Variants in SREBF2 observed in about 807,000 individuals in gnomAD.
SREBF2 encodes the protein sterol regulatory element-binding protein 2.
In SREBF2, 55 loss-of-function variants were observed where a neutral mutation model predicts 113.1. That is an observed-to-expected ratio of 0.49 (90% CI 0.39 to 0.61). The LOEUF (loss-of-function observed/expected upper bound fraction) is 0.61. SREBF2 is among the 20% of genes least tolerant of loss of function. The pLI is 0.00. For synonymous variants in SREBF2, 593 were observed against 605.7 expected, an observed-to-expected ratio of 0.98 and a Z score of 0.31; for missense variants, 1,349 against 1,487.4, an observed-to-expected ratio of 0.91 and a Z score of 1.53.
intron 12 of SREBF2, among the ~76,000 whole-genome samples, chr22:41,894,490 G>T (rs548202755): frequency 2.6e-5 from 4 of 152,134 alleles, no homozygotes; most frequent in Non-Finnish European, 5.9e-5. Context: ...GAAATCCTCT[G>T]AGACATTCCA....
chr22:41,875,798 G>C (rs2077192541), intron 7 of SREBF2, 74 bp downstream of exon 7: 4 of 1,544,918 alleles, frequency 2.6e-6, no homozygotes, highest in Admixed American at 3.3e-5. Flanking sequence ...GGAGGTCACA[G>C]TTATGAGGCC....
chr22:41,846,031 T>A (rs59946017), intron 1 of SREBF2, among the ~76,000 whole-genome samples: 1,742 of 152,314 alleles, frequency 0.011, 38 homozygotes, highest in African/African-American at 0.04. Flanking sequence ...AACAGCCATT[T>A]TGAAGGGCTT....
intron 15 of SREBF2, chr22:41,900,052 A>G (rs1289667751): frequency 1.5e-6 from 2 of 1,364,406 alleles, no homozygotes; most frequent in African/African-American, 1.5e-5. Flanking sequence ...TGGAATGACT[A>G]TCTTGGGTGG....
intron 1 of SREBF2, among the ~76,000 whole-genome samples, chr22:41,839,857 A>G (rs1221124827): frequency 6.6e-6 from 1 of 151,158 alleles, no homozygotes; most frequent in Non-Finnish European, 1.5e-5. Flanking sequence ...GTGTGGACAT[A>G]TATGTTCATT....
chr22:41,860,284 G>A (rs1235693944), intron 1 of SREBF2, among the ~76,000 whole-genome samples: 21 of 150,428 alleles, frequency 1.4e-4, no homozygotes, highest in Admixed American at 1.3e-3. Flanking sequence ...AAAAATGGAC[G>A]AAGGTCAAGA....
intron 8 of SREBF2, 134 bp from the exon 9 acceptor site, chr22:41,877,808 T>TA (rs1428566686): frequency 2.1e-6 from 2 of 959,982 alleles, no homozygotes. Flanking sequence ...CCTGTTTAGA[T>TA]TATAGAATTA....
intron 10 of SREBF2, among the ~76,000 whole-genome samples, chr22:41,884,181 G>A (rs2077277377): frequency 6.6e-6 from 1 of 152,200 alleles, no homozygotes; most frequent in Non-Finnish European, 1.5e-5. Context: ...TGTTGCCCAG[G>A]CTGGAGTGCA....
At chr22:41,876,603 G>C (rs2077199830) in intron 7 of SREBF2, among the ~76,000 whole-genome samples, 1 of 152,042 alleles carries the variant, frequency 6.6e-6, no homozygotes, top group South Asian at 2.1e-4. Flanking sequence ...GAGTGGGGTG[G>C]GTGTAGACAA....
chr22:41,857,645 G>C (rs939677591), intron 1 of SREBF2, among the ~76,000 whole-genome samples: 12 of 152,162 alleles, frequency 7.9e-5, no homozygotes, highest in African/African-American at 2.9e-4. Context: ...TCACTCATCT[G>C]TTGCTTAAAA....
intron 1 of SREBF2, among the ~76,000 whole-genome samples, chr22:41,856,496 G>A (rs1370893022): frequency 6.6e-6 from 1 of 152,190 alleles, no homozygotes; most frequent in East Asian, 1.9e-4. Flanking sequence ...GATCATCTGA[G>A]GTGGAAAAGA....
At chr22:41,900,236 G>A (rs147636789) in intron 15 of SREBF2, 94 bp from the exon 16 acceptor site, 34 of 1,565,502 alleles carry the variant, frequency 2.2e-5, no homozygotes, top group Middle Eastern at 2.1e-4. Flanking sequence ...TGTCATATCA[G>A]TGTGGGGCGT....
chr22:41,858,348 G>A (rs377311333), intron 1 of SREBF2, among the ~76,000 whole-genome samples: 6 of 152,174 alleles, frequency 3.9e-5, no homozygotes, highest in Admixed American at 2.0e-4. Context: ...TTTCTTAAGC[G>A]TTACACAGAA....
At chr22:41,864,647 T>C (rs1461949563) in intron 1 of SREBF2, among the ~76,000 whole-genome samples, 4 of 151,794 alleles carry the variant, frequency 2.6e-5, no homozygotes, top group African/African-American at 9.7e-5. Context: ...TTTTTGTTTG[T>C]TTGTTTTGTG....
intron 11 of SREBF2, among the ~76,000 whole-genome samples, chr22:41,892,647 C>CAAAA (rs397967305): frequency 3.0e-4 from 23 of 76,924 alleles, no homozygotes; most frequent in East Asian, 8.4e-4. Context: ...AACTCCGTCT[C>CAAAA]AAAAAAAAAA....
chr22:41,846,376 G>C (rs536522236), intron 1 of SREBF2, among the ~76,000 whole-genome samples: 2 of 152,296 alleles, frequency 1.3e-5, no homozygotes, highest in South Asian at 4.1e-4. Flanking sequence ...TCCCTCAAGG[G>C]TCGCACTCCT....
At chr22:41,890,327 T>C (rs1209734341) in intron 11 of SREBF2, among the ~76,000 whole-genome samples, 1 of 152,202 alleles carries the variant, frequency 6.6e-6, no homozygotes, top group East Asian at 1.9e-4. Context: ...GGCTGCATGC[T>C]CTCCCCATCT....
rs147952608 is a variant in SREBF2, at chr22:41,878,398, G to A, written c.1761+275G>A. Among the ~76,000 whole-genome samples the A allele has an allele frequency of 4.2e-3, 646 of 152,316 alleles. 5 individuals carry two copies. The highest frequency in any genetic ancestry group is 0.015 in the African/African-American group (626 of 41,564). ...GAGCGGGGCTGCCAAGAGTAGGAAGGAAGGGCAGAGGTGGCAGAAGGACCT... is the reference window on the plus strand; with the variant it reads ...GAGCGGGGCTGCCAAGAGTAGGAAGAAAGGGCAGAGGTGGCAGAAGGACCT... On this transcript the variant is annotated intron_variant, in intron 9 of 18. Coordinates refer to ENST00000361204, the MANE Select transcript of SREBF2 (RefSeq NM_004599.4).
intron 11 of SREBF2, among the ~76,000 whole-genome samples, chr22:41,888,968 G>T (rs999639663): frequency 2.0e-5 from 3 of 152,222 alleles, no homozygotes; most frequent in Admixed American, 6.5e-5. Context: ...TGAGCCAGTT[G>T]TTGGGGGCAA....
Position 41,833,215 on chromosome 22 carries a change from G to GC in SREBF2, c.-51dup. The GC allele has an allele frequency of 2.8e-6, 4 of 1,416,072 alleles. No homozygotes were observed. Among genetic ancestry groups the GC allele is most frequent in the Admixed American group, 4.4e-5 (2 of 45,108 alleles). The allele number at this position is 1,416,072 out of a possible 1,614,324, so 87.7% of individuals were successfully genotyped here. ...TGTCATGGGCGGTGGCGACGGCACC[G>GC]CCCCCGCGTCTCCCTGAGCGGGACG... On this transcript the variant is annotated 5_prime_UTR_variant, in exon 1 of 19. An upstream open reading frame in the 5' UTR loses its in-frame stop. Coordinates refer to ENST00000361204, the MANE Select transcript of SREBF2 (RefSeq NM_004599.4). The surrounding 1 kb of genome is among the most constrained non-coding windows in gnomAD (Gnocchi z 4.1).
Sources: allele counts gnomAD v4.1 joint callset (sites outside exome capture counted in the v4.1 genomes callset), GRCh38; gene constraint gnomAD v4.1.1; non-coding constraint Gnocchi (gnomAD v3.1); transcripts MANE v1.5; gene names NCBI Gene and HGNC (gene_info 2026-07-23, HGNC 2026-07-21).